Variants in PPARG observed in about 807,000 individuals in gnomAD.
PPARG encodes the protein peroxisome proliferator-activated receptor gamma.
PPARG carries 17 observed loss-of-function variants against 39.2 expected under a neutral mutation model. That is an observed-to-expected ratio of 0.43 (90% confidence interval 0.30 to 0.65). The LOEUF is 0.65. PPARG is among the 30% of genes least tolerant of loss of function. The pLI, the probability that PPARG is intolerant of heterozygous loss-of-function variation, is 0.13. For synonymous variants in PPARG, 223 were observed against 215.7 expected, an observed-to-expected ratio of 1.03 and a Z score of -0.30; for missense variants, 406 against 585.9, an observed-to-expected ratio of 0.69 and a Z score of 3.17.
chr3:12,337,038 A>G (rs1375279687), intron 2 of PPARG, among the ~76,000 whole-genome samples: 1 of 152,230 alleles, frequency 6.6e-6, no homozygotes, highest in Admixed American at 6.5e-5. Context: ...CATGTCTTCA[A>G]ATGACTTAAT....
At chr3:12,321,733 A>G (rs1482978138) in intron 2 of PPARG, among the ~76,000 whole-genome samples, 1 of 152,082 alleles carries the variant, frequency 6.6e-6, no homozygotes, top group Non-Finnish European at 1.5e-5. Flanking sequence ...CACAAATCTT[A>G]TGGGTCAGAC....
chr3:12,299,745 A>G (rs1237740812), intron 1 of PPARG, among the ~76,000 whole-genome samples: 1 of 152,190 alleles, frequency 6.6e-6, no homozygotes, highest in Non-Finnish European at 1.5e-5. Flanking sequence ...TAACCCTAAG[A>G]AAATGTAAAA....
At chr3:12,431,058 T>C (rs1216631618) in intron 7 of PPARG, among the ~76,000 whole-genome samples, 1 of 151,554 alleles carries the variant, frequency 6.6e-6, no homozygotes, top group Non-Finnish European at 1.5e-5. Flanking sequence ...TAAAAGAAAA[T>C]AAATAGCCTT....
Position 12,310,571 on chromosome 3 carries a change from C to G in PPARG, c.-82-1809C>G, listed in dbSNP as rs58826342. Among the ~76,000 whole-genome samples, 2 of 93,830 alleles carry G rather than the reference C, an allele frequency of 2.1e-5. 1 individual carries two copies. The highest frequency in any genetic ancestry group is 4.4e-5 in the Non-Finnish European group (2 of 44,970). 61.6% of individuals were successfully genotyped at this position (93,830 alleles called of 152,430 possible). On this transcript the variant is annotated intron_variant, in intron 1 of 7. Transcript: ENST00000651735. ...CTCCGCCTCCTGGGTTCACGCCATT[C>G]TCCTGCCTCAGCCTCCCAAGTAGCT...
intron 2 of PPARG, among the ~76,000 whole-genome samples, chr3:12,315,963 G>A (rs1466997322): frequency 7.9e-5 from 12 of 152,172 alleles, no homozygotes; most frequent in African/African-American, 1.9e-4. Flanking sequence ...TTTAGAACTC[G>A]TAGTCTTATA....
chr3:12,342,765 C>T (rs753403926), intron 2 of PPARG, among the ~76,000 whole-genome samples: 2 of 150,078 alleles, frequency 1.3e-5, no homozygotes, highest in Non-Finnish European at 3.0e-5. Flanking sequence ...TAACAATGAA[C>T]GCGGATTGGT....
chr3:12,351,556 C>A, intron 2 of PPARG: 1 of 1,450,550 alleles, frequency 6.9e-7, no homozygotes, highest in Non-Finnish European at 9.7e-7. Context: ...GACAAAATAT[C>A]AGTGTGAATT....
intron 4 of PPARG, among the ~76,000 whole-genome samples, chr3:12,383,347 T>C (rs2049756529): frequency 6.6e-6 from 1 of 152,228 alleles, no homozygotes; most frequent in African/African-American, 2.4e-5. Context: ...ATGAAATCAT[T>C]GTATTAAGTC....
chr3:12,379,662 C>T (rs1360601649), intron 2 of PPARG, 42 bp from the exon 3 acceptor site: 1 of 1,534,046 alleles, frequency 6.5e-7, no homozygotes, highest in Non-Finnish European at 9.0e-7. Context: ...TTGCTGTGTT[C>T]TCTAGGACTT....
Position 12,385,623 on chromosome 3 carries a change from A to G in PPARG, c.390+4132A>G, listed in dbSNP as rs146957025. The stretch of plus-strand genomic sequence containing the variant: ...TCATTTTGGAACCATAGCCGTACCT[A>G]AAGATATAAGTAAATACAGTCTACC... On this transcript the variant is annotated intron_variant, in intron 4 of 7. Transcript: ENST00000651735. Among the ~76,000 whole-genome samples, 517 of 152,282 alleles carry G rather than the reference A, an allele frequency of 3.4e-3. 2 individuals are homozygous for G. The highest frequency in any genetic ancestry group is 0.01 in the Middle Eastern group (3 of 294).
At chr3:12,406,361 G>C (rs56193567) in intron 6 of PPARG, 1 of 426,146 alleles carries the variant, frequency 2.3e-6, no homozygotes, top group South Asian at 2.1e-5. Context: ...TAAGCCCCCT[G>C]AGCCTATCAC....
chr3:12,317,823 A>G (rs2047430156), intron 2 of PPARG, among the ~76,000 whole-genome samples: 2 of 152,220 alleles, frequency 1.3e-5, no homozygotes, highest in African/African-American at 4.8e-5. Flanking sequence ...TACAAAGCAT[A>G]AATATATTTT....
chr3:12,404,308 C>A (rs1151996), intron 5 of PPARG, among the ~76,000 whole-genome samples: 106,614 of 152,084 alleles, frequency 0.7, 38,299 homozygotes, highest in African/African-American at 0.86. Flanking sequence ...AGGCCCCTAC[C>A]AAACAATAGT....
chr3:12,326,730 T>C (rs1490607463), intron 2 of PPARG, among the ~76,000 whole-genome samples: 1 of 119,708 alleles, frequency 8.4e-6, no homozygotes, highest in Non-Finnish European at 1.7e-5. Flanking sequence ...ATGTGAGATA[T>C]ATAAAAAAAA....
intron 1 of PPARG, among the ~76,000 whole-genome samples, chr3:12,291,342 G>A (rs570215612): frequency 6.6e-6 from 1 of 152,288 alleles, no homozygotes; most frequent in African/African-American, 2.4e-5. Flanking sequence ...CTCCACAAAA[G>A]AATAGTAAGA....
At chr3:12,399,997 A>G (rs2050415645) in intron 5 of PPARG, among the ~76,000 whole-genome samples, 1 of 152,050 alleles carries the variant, frequency 6.6e-6, no homozygotes, top group South Asian at 2.1e-4. Flanking sequence ...AAAAAAAAAA[A>G]AAATTTTAAA....
chr3:12,386,135 T>C (rs1409792932), intron 4 of PPARG, among the ~76,000 whole-genome samples: 1 of 152,092 alleles, frequency 6.6e-6, no homozygotes. Context: ...TCTAAAATAA[T>C]AAAAAAGTGT....
chr3:12,419,470 CATTTT>C (rs982995459), intron 7 of PPARG, among the ~76,000 whole-genome samples: 1 of 151,794 alleles, frequency 6.6e-6, no homozygotes, highest in Non-Finnish European at 1.5e-5. Context: ...TATTTTACTT[CATTTT>C]ATTTTATTTT....
intron 4 of PPARG, 113 bp downstream of exon 4, chr3:12,381,604 A>G: frequency 1.8e-6 from 2 of 1,127,010 alleles, no homozygotes; most frequent in Middle Eastern, 5.6e-4. Context: ...ATGGAAGAGT[A>G]TCTTGCTCTG....
Sources: gnomAD v4.1 joint callset for allele counts (sites outside exome capture counted in the v4.1 genomes callset) on GRCh38, gnomAD v4.1.1 for gene constraint, MANE v1.5 for transcripts, NCBI Gene and HGNC (gene_info 2026-07-23, HGNC 2026-07-21) for gene names.